SUMF1: variants seen among roughly 807,000 people sequenced by gnomAD.
SUMF1 encodes sulfatase modifying factor 1.
Under a neutral mutation model 47.6 loss-of-function variants are expected in SUMF1, and 48 were observed. That is an observed-to-expected ratio of 1.01 (90% CI 0.80 to 1.28). SUMF1 has a LOEUF of 1.28. Among genes scored for constraint, SUMF1 ranks in the 50% most tolerant of loss-of-function variants. The pLI is 0.00. For synonymous variants in SUMF1, 230 were observed against 192.1 expected (o/e 1.20, Z -1.63); for missense variants, 571 against 485.4 (o/e 1.18, Z -1.66).
chr3:4,072,550 T>C (rs1695554836), intron 8 of SUMF1, among the ~76,000 whole-genome samples: 1 of 152,152 alleles, frequency 6.6e-6, no homozygotes, highest in African/African-American at 2.4e-5. Context: ...TAAAGGAGCA[T>C]GTTCTAAACC....
At chr3:4,177,498 A>C (rs1318945578) in intron 8 of SUMF1, among the ~76,000 whole-genome samples, 1 of 152,216 alleles carries the variant, frequency 6.6e-6, no homozygotes, top group Non-Finnish European at 1.5e-5. Flanking sequence ...CAATGAGAAC[A>C]AAGACATAAC....
chr3:4,357,577 T>TTTATTTA (rs1699647718), downstream of SUMF1, among the ~76,000 whole-genome samples: 1 of 138,732 alleles, frequency 7.2e-6, no homozygotes, highest in Non-Finnish European at 1.5e-5. Context: ...CCCAACCAAC[T>TTTATTTA]TTTATTTATT....
chr3:4,397,522 G>C (rs949205035), intron 7 of SUMF1, among the ~76,000 whole-genome samples: 3 of 152,184 alleles, frequency 2.0e-5, no homozygotes, highest in African/African-American at 7.2e-5. Flanking sequence ...AGTTATGAGA[G>C]AATAAAGCAA....
At chr3:4,160,555 C>A (rs1172576411) in intron 8 of SUMF1, among the ~76,000 whole-genome samples, 1 of 152,038 alleles carries the variant, frequency 6.6e-6, no homozygotes, top group Non-Finnish European at 1.5e-5. Flanking sequence ...AATACTCTCT[C>A]TTCAAGCTCA....
At chr3:4,344,380 A>G (rs1311900239) in intron 8 of SUMF1, among the ~76,000 whole-genome samples, 1 of 152,160 alleles carries the variant, frequency 6.6e-6, no homozygotes, top group African/African-American at 2.4e-5. Flanking sequence ...CAGGCACAGG[A>G]GCAAATCAGA....
rs190869618 is a variant in SUMF1 at position 4,383,687 on chromosome 3, T to G, written c.955-7298A>C. Among the ~76,000 whole-genome samples the G allele has an allele frequency of 3.7e-4, 57 of 152,262 alleles. 1 individual carries two copies. The highest frequency in any genetic ancestry group is 1.3e-3 in the African/African-American group (54 of 41,544). ...TTTATAAGACTGGAGTCTCCTAAGC[T>G]CAGGATTCTCCGGCTGTGACAAAGA... On this transcript the variant is annotated intron_variant, in intron 7 of 8. Transcript: ENST00000272902.
chr3:4,104,666 T>TTCTCTCTC (rs111963235), intron 8 of SUMF1, among the ~76,000 whole-genome samples: 6,590 of 146,768 alleles, frequency 0.045, 270 homozygotes, highest in African/African-American at 0.1. Flanking sequence ...AAATCTCGAT[T>TTCTCTCTC]TCTCTCTCTC....
chr3:4,379,840 C>CAAA lies in SUMF1; in HGVS notation c.955-3454_955-3452dup, dbSNP rs58264459. ...CTGGCAACAGAGCGAGCCTCCATCT[C>CAAA]AAAAAAAAAAAAAAAAAAAAAAAAA... On this transcript the variant is annotated intron_variant, in intron 7 of 8. Transcript: ENST00000272902. 7.0e-4 allele frequency among the ~76,000 whole-genome samples: 54 copies of CAAA among 76,844 alleles called. 1 individual carries two copies. Among genetic ancestry groups the CAAA allele is most frequent in the African/African-American group, 2.3e-3 (43 of 18,924 alleles). 50.4% of individuals were successfully genotyped at this position (76,844 alleles called of 152,430 possible).
chr3:4,180,642 T>C (rs1381454044), intron 8 of SUMF1, among the ~76,000 whole-genome samples: 3 of 130,930 alleles, frequency 2.3e-5, no homozygotes, highest in African/African-American at 6.0e-5. Flanking sequence ...TGTATACCTA[T>C]GTATCAAACC....
At chr3:4,318,877 G>T (rs1340887818) in intron 8 of SUMF1, among the ~76,000 whole-genome samples, 1 of 152,128 alleles carries the variant, frequency 6.6e-6, no homozygotes, top group Admixed American at 6.6e-5. Context: ...CTGCACTCCA[G>T]TCCAGGTGAC....
At position 4,292,401 on chromosome 3, in the gene SUMF1, G is replaced by A. The variant is rs187174234; in HGVS notation, c.1014+83929C>T. Reference sequence around the variant, plus strand: ...AGAACATATGGCTGATGCAGTACATGACAAGAAGGGGCTTTGCCTAAGAAG... The same window carrying A: ...AGAACATATGGCTGATGCAGTACATAACAAGAAGGGGCTTTGCCTAAGAAG... On this transcript the variant is annotated intron_variant and NMD_transcript_variant, in intron 8 of 12. Transcript: ENST00000448413. Among the ~76,000 whole-genome samples the A allele has an allele frequency of 9.3e-4, 142 of 152,298 alleles. 1 individual carries two copies. Among genetic ancestry groups the A allele is most frequent in the Admixed American group, 5.5e-3 (84 of 15,302 alleles).
chr3:4,391,511 T>A (rs1448980715), intron 7 of SUMF1, among the ~76,000 whole-genome samples: 3 of 152,204 alleles, frequency 2.0e-5, no homozygotes, highest in Non-Finnish European at 4.4e-5. Context: ...TGAGACAGGG[T>A]CTCACTCTGT....
At chr3:4,423,848 A>T (rs955575053) in intron 3 of SUMF1, among the ~76,000 whole-genome samples, 1 of 152,050 alleles carries the variant, frequency 6.6e-6, no homozygotes, top group Admixed American at 6.6e-5. Flanking sequence ...TCAAAAGTGT[A>T]TGGCGCCTCC....
intron 8 of SUMF1, among the ~76,000 whole-genome samples, chr3:4,268,177 A>G (rs1316603791): frequency 3.3e-5 from 5 of 152,066 alleles, no homozygotes; most frequent in African/African-American, 1.2e-4. Flanking sequence ...ACAGGTGGGA[A>G]CTGAACAATG....
intron 8 of SUMF1, among the ~76,000 whole-genome samples, chr3:4,322,092 G>T (rs1197692290): frequency 6.6e-6 from 1 of 152,064 alleles, no homozygotes; most frequent in African/African-American, 2.4e-5. Flanking sequence ...TATTCCTCAA[G>T]GTCTTGGAAA....
intron 8 of SUMF1, among the ~76,000 whole-genome samples, chr3:4,233,792 C>T (rs1268173914): frequency 6.6e-6 from 1 of 152,058 alleles, no homozygotes; most frequent in Non-Finnish European, 1.5e-5. Flanking sequence ...ACTAAATAAG[C>T]TTCAGAAAAA....
intron 8 of SUMF1, among the ~76,000 whole-genome samples, chr3:4,109,330 C>T (rs571282141): frequency 9.9e-5 from 15 of 152,208 alleles, no homozygotes; most frequent in Non-Finnish European, 1.9e-4. Flanking sequence ...GTGGGTAACC[C>T]GACCTTTCTC....
At chr3:4,155,153 G>C (rs1299495166) in intron 8 of SUMF1, among the ~76,000 whole-genome samples, 3 of 151,494 alleles carry the variant, frequency 2.0e-5, no homozygotes, top group Non-Finnish European at 4.4e-5. Flanking sequence ...CATGAGGCAT[G>C]CTTTTGTGAT....
intron 1 of SUMF1, among the ~76,000 whole-genome samples, chr3:4,453,938 G>A (rs1159552024): frequency 6.6e-6 from 1 of 151,974 alleles, no homozygotes; most frequent in Admixed American, 6.6e-5. Context: ...CAAACTGCTG[G>A]GATTATGAGC....
Sources: allele counts gnomAD v4.1 joint callset (sites outside exome capture counted in the v4.1 genomes callset), GRCh38; gene constraint gnomAD v4.1.1; transcripts MANE v1.5; gene names NCBI Gene and HGNC (gene_info 2026-07-23, HGNC 2026-07-21).